The following PYGO1 variants were observed in gnomAD, a reference collection of about 807,000 sequenced individuals.
PYGO1 encodes the protein pygopus homolog 1.
In PYGO1, 6 loss-of-function variants were observed where a neutral mutation model predicts 29.5. That is an observed-to-expected ratio of 0.20 (90% CI 0.11 to 0.40). The LOEUF (loss-of-function observed/expected upper bound fraction) is 0.40. Among genes scored for constraint, PYGO1 ranks in the 10% least tolerant of loss-of-function variants. The probability of loss-of-function intolerance (pLI) is 1.00; values close to 1 mark genes in which losing one functional copy is unlikely to be tolerated. For synonymous variants in PYGO1, 186 were observed against 180.5 expected, an observed-to-expected ratio of 1.03 and a Z score of -0.24; for missense variants, 515 against 514.9, an observed-to-expected ratio of 1.00 and a Z score of 0.00.
intron 1 of PYGO1, among the ~76,000 whole-genome samples, chr15:55,566,440 G>T (rs1003896224): frequency 5.3e-5 from 8 of 151,434 alleles, no homozygotes; most frequent in Admixed American, 3.3e-4. Context: ...TATATTCCAT[G>T]GTGTGTATGT....
intron 1 of PYGO1, among the ~76,000 whole-genome samples, chr15:55,561,641 T>C (rs1284744264): frequency 2.6e-5 from 4 of 152,282 alleles, no homozygotes; most frequent in East Asian, 1.9e-4. Context: ...CAATTCAAGA[T>C]GAGATTTGCA....
chr15:55,555,857 AG>A (rs1275570667), intron 1 of PYGO1, among the ~76,000 whole-genome samples: 6 of 152,176 alleles, frequency 3.9e-5, no homozygotes, highest in Non-Finnish European at 7.4e-5. Context: ...AATGAAAAAC[AG>A]AAAAAAGCAG....
At chr15:55,578,005 C>A (rs1044084809) in intron 1 of PYGO1, among the ~76,000 whole-genome samples, 2 of 152,138 alleles carry the variant, frequency 1.3e-5, no homozygotes, top group South Asian at 2.1e-4. Context: ...GAACACCTGA[C>A]CTCAAGTGAT....
At position 55,587,856 on chromosome 15, in the gene PYGO1, T is replaced by C. The variant is rs1177762548; in HGVS notation, c.28A>G (p.Ile10Val). MSAEQEKDP[I>V]SLKRVRGGDS... ...TTACCTCGAACTCTCTTCAGCGAAA[T>C]GGGATCCTTCTCCTGTTCTGCTGAC... The change falls in exon 1 of 3, where the codon ATT becomes GTT. Residue 10 changes from isoleucine to valine, a missense_variant. Ile to Val is a conservative substitution (Grantham distance 29, BLOSUM62 3). Transcript: ENST00000563719. 6.7e-7 allele frequency: 1 copy of C among 1,494,816 alleles called. No individual in the cohort carries two copies. The highest frequency in any genetic ancestry group is 1.2e-5 in the South Asian group (1 of 80,438). 92.6% of individuals were successfully genotyped at this position (1,494,816 alleles called of 1,614,324 possible).
At chr15:55,581,180 T>C (rs942184758) in intron 1 of PYGO1, among the ~76,000 whole-genome samples, 1 of 152,056 alleles carries the variant, frequency 6.6e-6, no homozygotes, top group African/African-American at 2.4e-5. Context: ...CAGGAAAACA[T>C]CCTGGGAGAT....
chr15:55,577,931 T>A (rs1387193872), intron 1 of PYGO1, among the ~76,000 whole-genome samples: 2 of 152,004 alleles, frequency 1.3e-5, no homozygotes, highest in Non-Finnish European at 2.9e-5. Flanking sequence ...GCTGCCACCA[T>A]GCTTGGTGAA....
intron 1 of PYGO1, among the ~76,000 whole-genome samples, chr15:55,584,450 A>G (rs1482052574): frequency 6.6e-6 from 1 of 152,194 alleles, no homozygotes. Flanking sequence ...ACTATATGGC[A>G]CTGTGATTGC....
intron 1 of PYGO1, among the ~76,000 whole-genome samples, chr15:55,562,011 C>T (rs1443185120): frequency 6.6e-6 from 1 of 151,930 alleles, no homozygotes; most frequent in Non-Finnish European, 1.5e-5. Flanking sequence ...ACCAACCAAC[C>T]CCATTAAAAA....
chr15:55,542,331 A>G lies in PYGO1; in HGVS notation c.*3692T>C, dbSNP rs1224611598. On this transcript the variant is annotated 3_prime_UTR_variant, in exon 3 of 3. Coordinates refer to ENST00000563719, the MANE Select transcript of PYGO1 (RefSeq NM_001367806.1). ...AGTTGGGAGTCTAAAACAAACCACC[A>G]AAAAAGTAGATTTCTTTACACTGTG... 1 of 152,234 alleles carries G rather than the reference A, an allele frequency of 6.6e-6. No individual in the cohort carries two copies. The highest frequency in any genetic ancestry group is 2.4e-5 in the African/African-American group (1 of 41,460). The allele number at this position is 152,234 out of a possible 1,614,324, so 9.4% of individuals were successfully genotyped here.
chr15:55,557,307 C>A (rs1400030269), intron 1 of PYGO1, among the ~76,000 whole-genome samples: 1 of 151,992 alleles, frequency 6.6e-6, no homozygotes, highest in Non-Finnish European at 1.5e-5. Flanking sequence ...AAGTTGAATC[C>A]CTGAATAGAC....
At chr15:55,582,339 A>G (rs1026015742) in intron 1 of PYGO1, among the ~76,000 whole-genome samples, 1 of 152,090 alleles carries the variant, frequency 6.6e-6, no homozygotes, top group Admixed American at 6.5e-5. Context: ...AATCATGGAC[A>G]TCTCATGGAT....
intron 1 of PYGO1, among the ~76,000 whole-genome samples, chr15:55,557,421 G>A (rs1286092093): frequency 6.6e-6 from 1 of 152,112 alleles, no homozygotes; most frequent in Non-Finnish European, 1.5e-5. Flanking sequence ...GGTACAAGGA[G>A]GAGCTGGTAC....
intron 1 of PYGO1, among the ~76,000 whole-genome samples, chr15:55,563,471 A>G (rs1046360794): frequency 4.0e-5 from 6 of 149,386 alleles, no homozygotes; most frequent in Admixed American, 6.8e-5. Flanking sequence ...GGTTCACGTG[A>G]TTCTCCTGCC....
chr15:55,587,986 G>T lies in PYGO1; in HGVS notation c.-103C>A. On this transcript the variant is annotated 5_prime_UTR_variant, in exon 1 of 3. Coordinates refer to ENST00000563719, the MANE Select transcript of PYGO1 (RefSeq NM_001367806.1). ...CTCGCGGGGCCGCTGCGGCTGCGAGGCAAGCCTCGGAGCCGAGGCACGGCC... is the reference window on the plus strand; with the variant it reads ...CTCGCGGGGCCGCTGCGGCTGCGAGTCAAGCCTCGGAGCCGAGGCACGGCC... The T allele has an allele frequency of 7.1e-7, 1 of 1,408,500 alleles. No homozygotes were observed. Among genetic ancestry groups the T allele is most frequent in the Non-Finnish European group, 9.3e-7 (1 of 1,074,700 alleles). The allele number at this position is 1,408,500 out of a possible 1,614,324, so 87.3% of individuals were successfully genotyped here. A position where few individuals can be genotyped will look rare whatever the true frequency, so the allele number is the denominator to read the frequency against.
rs571109895 is a variant in PYGO1, at chr15:55,540,772, C to CT, written c.*5250dup. ...GTGCATGTGTTACTTTAGACATGTTCTAAGAACAAAACAAAAAGTTACTGC... is the reference window on the plus strand; with the variant it reads ...GTGCATGTGTTACTTTAGACATGTTCTTAAGAACAAAACAAAAAGTTACTGC... On this transcript the variant is annotated 3_prime_UTR_variant, in exon 3 of 3. Coordinates refer to ENST00000563719, the MANE Select transcript of PYGO1 (RefSeq NM_001367806.1). 31 of 152,026 alleles carry CT rather than the reference C, an allele frequency of 2.0e-4. No individual in the cohort carries two copies. In the East Asian group the frequency reaches 5.8e-3, roughly 28 times the overall value. 9.4% of individuals were successfully genotyped at this position (152,026 alleles called of 1,614,324 possible). A position where few individuals can be genotyped will look rare whatever the true frequency, so the allele number is the denominator to read the frequency against.
rs545667686 is a variant in PYGO1 at position 55,556,948 on chromosome 15, A to G, written c.50-7953T>C. The stretch of plus-strand genomic sequence containing the variant: ...ACATCCTCCCAAGACTGAACCAGGA[A>G]GAAACTGAATTAAAGAATAGTAACA... On this transcript the variant is annotated intron_variant, in intron 1 of 2. Coordinates refer to ENST00000563719, the MANE Select transcript of PYGO1 (RefSeq NM_001367806.1). Among the ~76,000 whole-genome samples, 16 of 152,252 alleles carry G rather than the reference A, an allele frequency of 1.1e-4. No individual in the cohort carries two copies. The South Asian group carries it at 3.3e-3, about 32-fold the overall frequency.
intron 1 of PYGO1, among the ~76,000 whole-genome samples, chr15:55,563,159 C>T (rs1333070531): frequency 3.9e-5 from 6 of 152,024 alleles, no homozygotes; most frequent in East Asian, 3.9e-4. Flanking sequence ...AGTGAAAAGA[C>T]AACCCACACA....
intron 1 of PYGO1, among the ~76,000 whole-genome samples, chr15:55,573,799 A>G (rs1426570994): frequency 6.6e-6 from 1 of 152,264 alleles, no homozygotes; most frequent in East Asian, 1.9e-4. Context: ...TGATTAACAA[A>G]TATATGTTAT....
At position 55,539,902 on chromosome 15, in the gene PYGO1, C is replaced by G. The variant is rs977566944; in HGVS notation, c.*6121G>C. ...AAAACCTTATTAAGGATAATTTAAA[C>G]TGATATGTCTAAAATTTGAATTTTT... On this transcript the variant is annotated 3_prime_UTR_variant, in exon 3 of 3. Coordinates refer to ENST00000563719, the MANE Select transcript of PYGO1 (RefSeq NM_001367806.1). 6.6e-6 allele frequency: 1 copy of G among 151,998 alleles called. No individual in the cohort carries two copies. Among genetic ancestry groups the G allele is most frequent in the Non-Finnish European group, 1.5e-5 (1 of 67,894 alleles). 9.4% of individuals were successfully genotyped at this position (151,998 alleles called of 1,614,324 possible).
Sources: allele counts gnomAD v4.1 joint callset (sites outside exome capture counted in the v4.1 genomes callset), GRCh38; gene constraint gnomAD v4.1.1; transcripts MANE v1.5; gene names NCBI Gene and HGNC (gene_info 2026-07-23, HGNC 2026-07-21).